The following CHCHD6 variants were observed in gnomAD, a reference collection of about 807,000 sequenced individuals.
The protein encoded by CHCHD6 is coiled-coil-helix-coiled-coil-helix domain containing 6.
In CHCHD6, 28 loss-of-function variants were observed where a neutral mutation model predicts 32.3. The observed-to-expected ratio is 0.87, with a 90% CI of 0.64 to 1.19. CHCHD6 has a LOEUF of 1.19. CHCHD6 is among the 50% of genes most tolerant of loss of function. The probability of loss-of-function intolerance (pLI) is 0.00; values close to 1 mark genes in which losing one functional copy is unlikely to be tolerated. For missense variants in CHCHD6, 333 were observed against 307.0 expected, an observed-to-expected ratio of 1.08 and a Z score of -0.63; for synonymous variants, 122 against 117.5, an observed-to-expected ratio of 1.04 and a Z score of -0.25.
chr3:126,901,210 A>T lies in CHCHD6; in HGVS notation c.496-13470A>T, dbSNP rs149577913. Among the ~76,000 whole-genome samples, 1,019 of 152,358 alleles carry T rather than the reference A, an allele frequency of 6.7e-3. 10 individuals carry two copies. Among genetic ancestry groups the T allele is most frequent in the African/African-American group, 0.021 (878 of 41,588 alleles). Reference sequence around the variant, plus strand: ...CTAACTTACTGACTGAGAAATGTGTAACAGGAGACCCAGGGTGGTGTAGCC... The same window carrying T: ...CTAACTTACTGACTGAGAAATGTGTTACAGGAGACCCAGGGTGGTGTAGCC... On this transcript the variant is annotated intron_variant, in intron 5 of 7. Coordinates refer to ENST00000290913, the MANE Select transcript of CHCHD6 (RefSeq NM_032343.3).
chr3:126,858,939 G>A (rs944076171), intron 5 of CHCHD6, among the ~76,000 whole-genome samples: 13 of 152,214 alleles, frequency 8.5e-5, no homozygotes, highest in Non-Finnish European at 1.5e-4. Flanking sequence ...CTGCTGCTCC[G>A]TTGTCTGTCC....
intron 6 of CHCHD6, among the ~76,000 whole-genome samples, chr3:126,937,407 T>G (rs1024409929): frequency 1.3e-5 from 2 of 152,152 alleles, no homozygotes; most frequent in African/African-American, 4.8e-5. Flanking sequence ...CGTTGGGAGC[T>G]GAGCCTGGTA....
intron 5 of CHCHD6, among the ~76,000 whole-genome samples, chr3:126,910,056 C>G (rs2078064759): frequency 1.3e-5 from 2 of 152,182 alleles, no homozygotes; most frequent in Non-Finnish European, 2.9e-5. Flanking sequence ...GCAGGCAGAT[C>G]ACTTGAGCCC....
intron 4 of CHCHD6, among the ~76,000 whole-genome samples, chr3:126,740,087 A>G (rs1936223884): frequency 6.6e-6 from 1 of 152,182 alleles, no homozygotes. Context: ...TCAAACTATT[A>G]ATATGATATG....
chr3:126,723,594 T>G (rs905627007), intron 1 of CHCHD6, among the ~76,000 whole-genome samples: 1 of 152,222 alleles, frequency 6.6e-6, no homozygotes, highest in African/African-American at 2.4e-5. Flanking sequence ...ATCTCATGTG[T>G]TTTCCGTGAC....
chr3:126,769,371 T>C (rs1386457719), intron 4 of CHCHD6, among the ~76,000 whole-genome samples: 1 of 152,220 alleles, frequency 6.6e-6, no homozygotes, highest in Non-Finnish European at 1.5e-5. Context: ...TCCGTTGGTC[T>C]GTGTGTCTGT....
intron 1 of CHCHD6, among the ~76,000 whole-genome samples, chr3:126,715,826 G>A (rs1934985312): frequency 1.3e-5 from 2 of 152,162 alleles, no homozygotes; most frequent in South Asian, 2.1e-4. Context: ...TCCTTTCAGA[G>A]TTTTCCCAAG....
chr3:126,754,392 C>T (rs1047331019), intron 4 of CHCHD6, among the ~76,000 whole-genome samples: 1 of 152,172 alleles, frequency 6.6e-6, no homozygotes, highest in South Asian at 2.1e-4. Flanking sequence ...CAGCAGCTGG[C>T]TCTGTCAGCA....
chr3:126,760,742 G>A (rs1937130492), intron 4 of CHCHD6, among the ~76,000 whole-genome samples: 1 of 152,214 alleles, frequency 6.6e-6, no homozygotes, highest in African/African-American at 2.4e-5. Flanking sequence ...CTGTTGATGG[G>A]CACTTGAGTT....
intron 2 of CHCHD6, among the ~76,000 whole-genome samples, chr3:126,727,561 G>A (rs1042881887): frequency 1.7e-4 from 26 of 152,328 alleles, no homozygotes; most frequent in African/African-American, 5.8e-4. Flanking sequence ...GTGGATTCAC[G>A]TGAACAGGGC....
At chr3:126,908,386 C>T (rs1346435729) in intron 5 of CHCHD6, among the ~76,000 whole-genome samples, 2 of 152,250 alleles carry the variant, frequency 1.3e-5, no homozygotes, top group African/African-American at 2.4e-5. Context: ...TCTCCTTAAG[C>T]AGGGCCTGGC....
At chr3:126,937,780 A>G (rs996713125) in intron 6 of CHCHD6, among the ~76,000 whole-genome samples, 1 of 152,104 alleles carries the variant, frequency 6.6e-6, no homozygotes, top group Non-Finnish European at 1.5e-5. Context: ...ATGTATTGGT[A>G]AGAATCTGAG....
At chr3:126,858,716 T>C (rs1276071948) in intron 5 of CHCHD6, among the ~76,000 whole-genome samples, 1 of 152,230 alleles carries the variant, frequency 6.6e-6, no homozygotes. Context: ...AGCCCACATC[T>C]GTTTGCACCC....
chr3:126,821,901 GC>G (rs1193881550), intron 4 of CHCHD6, among the ~76,000 whole-genome samples: 1 of 151,982 alleles, frequency 6.6e-6, no homozygotes, highest in Admixed American at 6.6e-5. Context: ...CAATTCCTTT[GC>G]CCATATTAGT....
intron 4 of CHCHD6, among the ~76,000 whole-genome samples, chr3:126,769,457 C>G (rs1937503968): frequency 6.6e-6 from 1 of 152,078 alleles, no homozygotes; most frequent in South Asian, 2.1e-4. Context: ...ATGATATCTC[C>G]CGCTTTGTTC....
At chr3:126,916,467 T>C (rs1337886218) in intron 6 of CHCHD6, among the ~76,000 whole-genome samples, 2 of 150,662 alleles carry the variant, frequency 1.3e-5, no homozygotes, top group East Asian at 3.9e-4. Context: ...ACTAGGAGCC[T>C]GAGAGGAGGA....
intron 5 of CHCHD6, among the ~76,000 whole-genome samples, chr3:126,878,422 G>C (rs2077567078): frequency 6.6e-6 from 1 of 152,190 alleles, no homozygotes; most frequent in African/African-American, 2.4e-5. Flanking sequence ...CAGAATGATG[G>C]CAGTATGTGA....
chr3:126,730,159 C>T (rs1023389810), intron 2 of CHCHD6, among the ~76,000 whole-genome samples: 2 of 152,170 alleles, frequency 1.3e-5, no homozygotes, highest in African/African-American at 2.4e-5. Flanking sequence ...CACCCCTTCC[C>T]TTCCCTATGC....
Position 126,910,381 on chromosome 3 carries a change from C to A in CHCHD6, c.496-4299C>A, listed in dbSNP as rs192022137. ...TGAGGTGCAGTCCAAGCTTTTGAGC[C>A]TGCAGCTGGCATCCTCCACGTCCCC... On this transcript the variant is annotated intron_variant, in intron 5 of 7. Coordinates refer to ENST00000290913, the MANE Select transcript of CHCHD6 (RefSeq NM_032343.3). Among the ~76,000 whole-genome samples, 6 of 152,298 alleles carry A rather than the reference C, an allele frequency of 3.9e-5. No homozygotes were observed. The East Asian group carries it at 1.2e-3, about 29-fold the overall frequency.
Sources: allele counts gnomAD v4.1 joint callset (sites outside exome capture counted in the v4.1 genomes callset), GRCh38; gene constraint gnomAD v4.1.1; transcripts MANE v1.5; gene names NCBI Gene and HGNC (gene_info 2026-07-23, HGNC 2026-07-21).